The following BNC2 variants were observed in gnomAD, a reference collection of about 807,000 sequenced individuals.
BNC2 encodes the protein zinc finger protein basonuclin-2.
BNC2 carries 20 observed loss-of-function variants against 76.3 expected under a neutral mutation model. That is an observed-to-expected ratio of 0.26 (90% CI 0.18 to 0.38). BNC2 has a LOEUF of 0.38. BNC2 is among the 10% of genes least tolerant of loss of function. BNC2 has a pLI of 1.00. For synonymous variants in BNC2, 582 were observed against 514.8 expected (o/e 1.13, Z -1.77); for missense variants, 1,382 against 1,399.8 (o/e 0.99, Z 0.20).
At chr9:16,621,572 A>G (rs1820868994) in intron 3 of BNC2, among the ~76,000 whole-genome samples, 1 of 152,220 alleles carries the variant, frequency 6.6e-6, no homozygotes, top group Non-Finnish European at 1.5e-5. Flanking sequence ...CTTGTATATC[A>G]AAGACACCAG....
intron 3 of BNC2, among the ~76,000 whole-genome samples, chr9:16,674,374 T>G (rs1304357741): frequency 3.9e-5 from 6 of 152,200 alleles, no homozygotes; most frequent in Non-Finnish European, 8.8e-5. Context: ...CAGACCCACT[T>G]ACAATACACC....
chr9:16,675,807 G>A (rs1466780059), intron 3 of BNC2, among the ~76,000 whole-genome samples: 1 of 152,096 alleles, frequency 6.6e-6, no homozygotes, highest in Non-Finnish European at 1.5e-5. Context: ...TGGCTCACAA[G>A]GGAAGCCGAG....
At chr9:16,575,442 G>T in intron 4 of BNC2, 1 of 985,338 alleles carries the variant, frequency 1.0e-6, no homozygotes, top group Non-Finnish European at 1.2e-6. Flanking sequence ...GAGCTAATAG[G>T]CAGACAGCCC....
intron 4 of BNC2, among the ~76,000 whole-genome samples, chr9:16,570,285 T>C (rs1563844147): frequency 6.6e-6 from 1 of 152,166 alleles, no homozygotes; most frequent in Non-Finnish European, 1.5e-5. Flanking sequence ...AAAGAAATTA[T>C]TATACTCAGT....
intron 3 of BNC2, among the ~76,000 whole-genome samples, chr9:16,647,941 A>G (rs1674496673): frequency 6.6e-6 from 1 of 152,220 alleles, no homozygotes; most frequent in South Asian, 2.1e-4. Flanking sequence ...TACATTAACA[A>G]AAATGAATTC....
intron 6 of BNC2, chr9:16,429,557 A>G (rs1371165307): frequency 5.5e-6 from 1 of 181,418 alleles, no homozygotes; most frequent in Non-Finnish European, 1.2e-5. Flanking sequence ...CAGTATGTGC[A>G]TTCTGCTCAG....
At chr9:16,637,372 C>T (rs924712550) in intron 3 of BNC2, among the ~76,000 whole-genome samples, 1 of 152,194 alleles carries the variant, frequency 6.6e-6, no homozygotes, top group Non-Finnish European at 1.5e-5. Context: ...AGCATTCTTA[C>T]AGTGTAAACA....
intron 1 of BNC2, among the ~76,000 whole-genome samples, chr9:16,864,072 ATACT>A (rs1283355086): frequency 2.0e-5 from 3 of 152,180 alleles, no homozygotes; most frequent in Non-Finnish European, 4.4e-5. Flanking sequence ...AAATTTACAA[ATACT>A]TATTTTATTT....
At chr9:16,693,440 G>A (rs531887222) in intron 3 of BNC2, among the ~76,000 whole-genome samples, 1 of 152,082 alleles carries the variant, frequency 6.6e-6, no homozygotes, top group Non-Finnish European at 1.5e-5. Context: ...CATCACCTGA[G>A]AGCATGTCTG....
At chr9:16,575,193 G>C (rs914130319) in intron 4 of BNC2, 7 of 905,344 alleles carry the variant, frequency 7.7e-6, no homozygotes, top group Middle Eastern at 5.6e-4. Flanking sequence ...GTAGGTGACA[G>C]AGCCGCGACG....
intron 1 of BNC2, among the ~76,000 whole-genome samples, chr9:16,802,523 C>T (rs1817809634): frequency 6.6e-6 from 1 of 152,312 alleles, no homozygotes; most frequent in African/African-American, 2.4e-5. Flanking sequence ...TCCTGCAAGG[C>T]AAATGTGCAT....
At chr9:16,767,694 G>A (rs1325837567) in intron 1 of BNC2, among the ~76,000 whole-genome samples, 1 of 152,062 alleles carries the variant, frequency 6.6e-6, no homozygotes, top group East Asian at 1.9e-4. Flanking sequence ...TTTTATTATT[G>A]AAGTTTTCAA....
intron 1 of BNC2, among the ~76,000 whole-genome samples, chr9:16,792,070 C>G (rs1344770357): frequency 2.0e-5 from 3 of 150,258 alleles, no homozygotes; most frequent in Non-Finnish European, 4.4e-5. Flanking sequence ...CCACTGTACT[C>G]CAGCCTGGGT....
At chr9:16,725,766 G>A (rs779548844) in intron 3 of BNC2, among the ~76,000 whole-genome samples, 39 of 152,024 alleles carry the variant, frequency 2.6e-4, no homozygotes, top group Admixed American at 1.3e-4. Flanking sequence ...TCCTAATTCT[G>A]ACCCATCATT....
At chr9:16,576,694 T>C (rs1296770272) in intron 4 of BNC2, among the ~76,000 whole-genome samples, 1 of 152,218 alleles carries the variant, frequency 6.6e-6, no homozygotes, top group Admixed American at 6.5e-5. Flanking sequence ...AATAAAATAC[T>C]GAGATCTCAT....
chr9:16,862,586 G>C (rs1038221277), intron 1 of BNC2, among the ~76,000 whole-genome samples: 3 of 152,172 alleles, frequency 2.0e-5, no homozygotes, highest in African/African-American at 7.2e-5. Flanking sequence ...AGTCACCTGC[G>C]TAGAGATACT....
chr9:16,526,768 C>A (rs76542317), intron 5 of BNC2, among the ~76,000 whole-genome samples: 6,706 of 152,176 alleles, frequency 0.044, 266 homozygotes, highest in East Asian at 0.2. Context: ...ATTCTCTTCA[C>A]ATAAATTTAT....
chr9:16,612,468 C>T (rs1199074074), intron 3 of BNC2, among the ~76,000 whole-genome samples: 1 of 152,122 alleles, frequency 6.6e-6, no homozygotes, highest in African/African-American at 2.4e-5. Flanking sequence ...AAATTAAATT[C>T]CCTTAACTGT....
At chr9:16,853,682 C>A (rs570297673) in intron 1 of BNC2, among the ~76,000 whole-genome samples, 12 of 152,136 alleles carry the variant, frequency 7.9e-5, no homozygotes, top group Non-Finnish European at 1.6e-4. Context: ...GCCTGGCCAA[C>A]ATGGTGAAAC....
Sources: gnomAD v4.1 joint callset for allele counts (sites outside exome capture counted in the v4.1 genomes callset) on GRCh38, gnomAD v4.1.1 for gene constraint, MANE v1.5 for transcripts, NCBI Gene and HGNC (gene_info 2026-07-23, HGNC 2026-07-21) for gene names.